Variants in ST6GALNAC3 observed in about 807,000 individuals in gnomAD.
ST6GALNAC3 encodes ST6 N-acetylgalactosaminide alpha-2,6-sialyltransferase 3, also known as alpha-N-acetylgalactosaminide alpha-2,6-sialyltransferase 3.
In ST6GALNAC3, 25 loss-of-function variants were observed where a neutral mutation model predicts 32.7. That is an observed-to-expected ratio of 0.76 (90% CI 0.56 to 1.07). ST6GALNAC3 has a LOEUF of 1.07. Ranked by LOEUF, ST6GALNAC3 falls within the 50% of genes least tolerant of loss-of-function variation. ST6GALNAC3 has a pLI of 0.00. For missense variants in ST6GALNAC3, 355 were observed against 382.4 expected, an observed-to-expected ratio of 0.93 and a Z score of 0.60; for synonymous variants, 129 against 133.1, an observed-to-expected ratio of 0.97 and a Z score of 0.21.
chr1:76,611,142 A>G (rs750095376), intron 3 of ST6GALNAC3, among the ~76,000 whole-genome samples: 9 of 152,012 alleles, frequency 5.9e-5, no homozygotes, highest in Non-Finnish European at 1.3e-4. Flanking sequence ...ATCTTTAGTT[A>G]GTGTTTCTGA....
chr1:76,126,440 C>CTTCCTTCCTTTG (rs1553157155), intron 1 of ST6GALNAC3, among the ~76,000 whole-genome samples: 15,327 of 147,362 alleles, frequency 0.1, 1,001 homozygotes, highest in Non-Finnish European at 0.13. Context: ...TCCTTCCTTC[C>CTTCCTTCCTTTG]TTCCTTCCTT....
chr1:76,097,577 T>G lies in ST6GALNAC3; in HGVS notation c.18+22693T>G, dbSNP rs546498426. 3.9e-3 allele frequency among the ~76,000 whole-genome samples: 594 copies of G among 152,314 alleles called. 6 individuals carry two copies. The highest frequency in any genetic ancestry group is 0.013 in the African/African-American group (549 of 41,560). On this transcript the variant is annotated intron_variant, in intron 1 of 4. Transcript: ENST00000328299. ...CGTCTTTCCTTAATAAATTACCCAG[T>G]CTTGGGTATGTCTTTATTAGTGCAT...
At chr1:76,473,702 C>T (rs1373419017) in intron 3 of ST6GALNAC3, among the ~76,000 whole-genome samples, 3 of 152,044 alleles carry the variant, frequency 2.0e-5, no homozygotes, top group Non-Finnish European at 2.9e-5. Flanking sequence ...TGGTGTGATA[C>T]GGATTTTATC....
Position 76,164,043 on chromosome 1 carries a change from A to G in ST6GALNAC3, c.18+89159A>G, listed in dbSNP as rs542378852. 2.2e-4 allele frequency among the ~76,000 whole-genome samples: 34 copies of G among 152,310 alleles called. No individual in the cohort carries two copies. In the South Asian group the frequency reaches 6.4e-3, roughly 29 times the overall value. ...TGAGGAGTTCCCACCCTCCTACCCT[A>G]GTTCTAAGCCAATTGAGAAATAAGG... is the stretch of plus-strand genomic sequence containing the variant. On this transcript the variant is annotated intron_variant, in intron 1 of 4. Transcript: ENST00000328299.
At chr1:76,122,086 G>A (rs771592313) in intron 1 of ST6GALNAC3, among the ~76,000 whole-genome samples, 10 of 152,100 alleles carry the variant, frequency 6.6e-5, no homozygotes, top group African/African-American at 2.4e-4. Context: ...CACTTGGCAC[G>A]ACTGACCATG....
chr1:76,507,014 A>T (rs1661517944), intron 3 of ST6GALNAC3, among the ~76,000 whole-genome samples: 2 of 152,228 alleles, frequency 1.3e-5, no homozygotes, highest in Non-Finnish European at 2.9e-5. Flanking sequence ...AGCAAGCAGG[A>T]TCAAACACAT....
intron 1 of ST6GALNAC3, among the ~76,000 whole-genome samples, chr1:76,281,455 G>C (rs1659493407): frequency 6.6e-6 from 1 of 152,222 alleles, no homozygotes; most frequent in African/African-American, 2.4e-5. Flanking sequence ...CCTGCAGCCT[G>C]CTGGGGAGTG....
At chr1:76,252,571 G>T (rs1447984102) in intron 1 of ST6GALNAC3, among the ~76,000 whole-genome samples, 2 of 151,140 alleles carry the variant, frequency 1.3e-5, no homozygotes. Flanking sequence ...TAAATTTCTT[G>T]GGCTGGGGAC....
At chr1:76,371,147 A>C (rs1650781004) in intron 2 of ST6GALNAC3, among the ~76,000 whole-genome samples, 1 of 152,160 alleles carries the variant, frequency 6.6e-6, no homozygotes, top group Non-Finnish European at 1.5e-5. Flanking sequence ...ATTTTTATTA[A>C]ATATTTATTT....
intron 2 of ST6GALNAC3, among the ~76,000 whole-genome samples, chr1:76,329,296 C>G (rs1199893385): frequency 6.6e-6 from 1 of 152,142 alleles, no homozygotes; most frequent in African/African-American, 2.4e-5. Flanking sequence ...TAGTCATGCC[C>G]ATGAGCCTCC....
Position 76,630,412 on chromosome 1 carries a change from T to C in ST6GALNAC3, c.*1606T>C. ...GAAATGAAGGCAGAGAAATATAGTTTCCTTTCCTAGGATTGAGACAATTCT... is the reference window on the plus strand; with the variant it reads ...GAAATGAAGGCAGAGAAATATAGTTCCCTTTCCTAGGATTGAGACAATTCT... On this transcript the variant is annotated 3_prime_UTR_variant, in exon 5 of 5. Coordinates refer to ENST00000328299, the MANE Select transcript of ST6GALNAC3 (RefSeq NM_152996.4). 7 of 985,226 alleles carry C rather than the reference T, an allele frequency of 7.1e-6. No homozygotes were observed. The highest frequency in any genetic ancestry group is 8.4e-6 in the Non-Finnish European group (7 of 829,822). 61.0% of individuals were successfully genotyped at this position (985,226 alleles called of 1,614,324 possible).
At chr1:76,212,384 G>A (rs1218998241) in intron 1 of ST6GALNAC3, among the ~76,000 whole-genome samples, 4 of 152,102 alleles carry the variant, frequency 2.6e-5, no homozygotes, top group African/African-American at 4.8e-5. Context: ...CAAAGGGCTC[G>A]GCAGGCTGGG....
At chr1:76,107,797 TC>T (rs1647640619) in intron 1 of ST6GALNAC3, among the ~76,000 whole-genome samples, 2 of 152,214 alleles carry the variant, frequency 1.3e-5, no homozygotes, top group African/African-American at 2.4e-5. Flanking sequence ...AGATCTACAT[TC>T]TTTTTTCTGT....
chr1:76,317,918 T>C (rs1488861374), intron 2 of ST6GALNAC3, among the ~76,000 whole-genome samples: 2 of 152,144 alleles, frequency 1.3e-5, no homozygotes, highest in Non-Finnish European at 2.9e-5. Context: ...TTTAGTTATC[T>C]TTTAAAAATA....
intron 3 of ST6GALNAC3, among the ~76,000 whole-genome samples, chr1:76,620,293 A>G (rs1290681223): frequency 6.6e-6 from 1 of 152,034 alleles, no homozygotes; most frequent in Non-Finnish European, 1.5e-5. Context: ...AAGTTTAAGG[A>G]GCAATAAATG....
At chr1:76,389,681 T>C (rs1189441165) in intron 2 of ST6GALNAC3, among the ~76,000 whole-genome samples, 1 of 152,250 alleles carries the variant, frequency 6.6e-6, no homozygotes, top group African/African-American at 2.4e-5. Flanking sequence ...TAAGATCATT[T>C]TTAACTCATC....
chr1:76,504,130 C>T (rs1661336133), intron 3 of ST6GALNAC3, among the ~76,000 whole-genome samples: 4 of 152,240 alleles, frequency 2.6e-5, no homozygotes, highest in Admixed American at 2.6e-4. Flanking sequence ...AAGGTGTCAG[C>T]AATGTTGGTT....
intron 3 of ST6GALNAC3, among the ~76,000 whole-genome samples, chr1:76,425,249 G>C (rs1557875803): frequency 6.6e-6 from 1 of 151,956 alleles, no homozygotes; most frequent in Non-Finnish European, 1.5e-5. Flanking sequence ...TCTGCCTTCT[G>C]TATAGCGCCT....
At chr1:76,470,706 T>C (rs1658968114) in intron 3 of ST6GALNAC3, among the ~76,000 whole-genome samples, 1 of 152,094 alleles carries the variant, frequency 6.6e-6, no homozygotes. Context: ...GCTTGATCTC[T>C]TTAGTCCAAA....
Sources: gnomAD v4.1 joint callset for allele counts (sites outside exome capture counted in the v4.1 genomes callset) on GRCh38, gnomAD v4.1.1 for gene constraint, MANE v1.5 for transcripts, NCBI Gene and HGNC (gene_info 2026-07-23, HGNC 2026-07-21) for gene names.